GPRC5B: variants seen among roughly 807,000 people sequenced by gnomAD.
GPRC5B encodes the protein G protein-coupled receptor family C group 5 member B.
In GPRC5B, 16 loss-of-function variants were observed where a neutral mutation model predicts 30.1. The ratio of observed to expected loss-of-function variants is 0.53; its 90% CI spans 0.36 to 0.81. The LOEUF (loss-of-function observed/expected upper bound fraction) is 0.81. Among genes scored for constraint, GPRC5B ranks in the 30% least tolerant of loss-of-function variants. The pLI, the probability that GPRC5B is intolerant of heterozygous loss-of-function variation, is 0.01. For missense variants in GPRC5B, 428 were observed against 544.7 expected (o/e 0.79, Z 2.13); for synonymous variants, 241 against 239.5 (o/e 1.01, Z -0.06).
In GPRC5B at chr16:19,863,491, CTTT is replaced by C. The variant is rs10541805; in HGVS notation, c.1031-1521_1031-1519del. Among the ~76,000 whole-genome samples, 371 of 82,278 alleles carry C rather than the reference CTTT, an allele frequency of 4.5e-3. 2 individuals are homozygous for C. Among genetic ancestry groups the C allele is most frequent in the African/African-American group, 0.018 (359 of 19,978 alleles). 54.0% of individuals were successfully genotyped at this position (82,278 alleles called of 152,430 possible). A position where few individuals can be genotyped will look rare whatever the true frequency, so the allele number is the denominator to read the frequency against. ...GGGACCCAGGCAAGGAATCTGTGTT[CTTT>C]TTTTTTTTTTTTTTTTTTTTGAGAC... On this transcript the variant is annotated intron_variant, in intron 2 of 3. Transcript: ENST00000300571.
At chr16:19,869,637 C>G (rs577598547) in intron 2 of GPRC5B, among the ~76,000 whole-genome samples, 3 of 152,258 alleles carry the variant, frequency 2.0e-5, no homozygotes, top group African/African-American at 7.2e-5. Context: ...TAGGACCTCA[C>G]TTCTGAAGCC....
At chr16:19,874,447 C>A (rs917601221) in intron 1 of GPRC5B, among the ~76,000 whole-genome samples, 2 of 152,204 alleles carry the variant, frequency 1.3e-5, no homozygotes, top group Non-Finnish European at 2.9e-5. Flanking sequence ...TTGTTTCTGC[C>A]TTCCCTTCCT....
At chr16:19,870,248 G>T (rs747983004) in intron 2 of GPRC5B, among the ~76,000 whole-genome samples, 17 of 152,174 alleles carry the variant, frequency 1.1e-4, no homozygotes, top group Admixed American at 3.3e-4. Context: ...TCATTAATGT[G>T]CTTGTTTTAT....
intron 1 of GPRC5B, among the ~76,000 whole-genome samples, chr16:19,884,374 A>G (rs1306756728): frequency 6.6e-6 from 1 of 150,820 alleles, no homozygotes; most frequent in East Asian, 2.0e-4. Flanking sequence ...ACGAGTCACT[A>G]GGACACGGCT....
chr16:19,876,741 T>G (rs993072335), intron 1 of GPRC5B, among the ~76,000 whole-genome samples: 1 of 152,164 alleles, frequency 6.6e-6, no homozygotes, highest in Admixed American at 6.5e-5. Flanking sequence ...ACATGGGAAA[T>G]AGATACACTC....
intron 1 of GPRC5B, among the ~76,000 whole-genome samples, chr16:19,878,177 C>T (rs1407182399): frequency 1.4e-5 from 2 of 144,702 alleles, no homozygotes; most frequent in African/African-American, 5.2e-5. Context: ...CTAGCCTGGG[C>T]AACAGAGTGA....
Position 19,872,037 on chromosome 16 carries a change from G to T in GPRC5B, c.809C>A (p.Pro270His). ...KLQQGDAWND[P>H]TLAITLAASG... The stretch of plus-strand genomic sequence containing the variant: ...GGCCGCCAGCGTGATGGCCAAGGTG[G>T]GGTCGTTCCAGGCATCCCCCTGCTG... Residue 270 changes from proline to histidine, a missense_variant, in exon 2 of 4, where the codon CCC (proline) becomes CAC (histidine). Coordinates refer to ENST00000300571, the MANE Select transcript of GPRC5B (RefSeq NM_016235.3). The surrounding 1 kb of genome is among the most constrained non-coding windows in gnomAD (Gnocchi z 5.0). 6.2e-7 allele frequency: 1 copy of T among 1,614,024 alleles called. No individual in the cohort carries two copies. Among genetic ancestry groups the T allele is most frequent in the Non-Finnish European group, 8.5e-7 (1 of 1,179,974 alleles).
At chr16:19,885,124 C>T (rs948287395), upstream of GPRC5B, 1 of 1,035,940 alleles carries the variant, frequency 9.7e-7, no homozygotes, top group Admixed American at 2.3e-5. The surrounding 1 kb of genome is among the most constrained non-coding windows in gnomAD (Gnocchi z 5.3). Flanking sequence ...TCAGTGCGCC[C>T]GTAAGCAGTC....
rs1287699572 is a variant in GPRC5B at position 19,857,450 on chromosome 16, A to G, written c.*3050T>C. On this transcript the variant is annotated 3_prime_UTR_variant, in exon 4 of 4. Transcript: ENST00000300571. ...TTGAAATTTCTTTAACTTCTTTTTT[A>G]TAAGTATGCAACAGTCAGCCGGGGG... 4.5e-6 allele frequency: 2 copies of G among 440,992 alleles called. No homozygotes were observed. The highest frequency in any genetic ancestry group is 7.1e-5 in the East Asian group (1 of 14,028). 27.3% of individuals were successfully genotyped at this position (440,992 alleles called of 1,614,324 possible).
At chr16:19,884,242 C>T (rs1212794236) in intron 1 of GPRC5B, among the ~76,000 whole-genome samples, 2 of 150,488 alleles carry the variant, frequency 1.3e-5, no homozygotes, top group African/African-American at 4.9e-5. Context: ...GACCCCCAGC[C>T]CCCGCGACAG....
chr16:19,882,668 A>G (rs1353949260), intron 1 of GPRC5B, among the ~76,000 whole-genome samples: 2 of 152,182 alleles, frequency 1.3e-5, no homozygotes, highest in Non-Finnish European at 1.5e-5. Flanking sequence ...TGTCAACGTC[A>G]GGGGAGCTTC....
intron 2 of GPRC5B, among the ~76,000 whole-genome samples, chr16:19,867,241 A>G (rs1178561139): frequency 4.6e-5 from 7 of 152,208 alleles, no homozygotes; most frequent in South Asian, 2.1e-4. Context: ...GGGGTCAGGC[A>G]TGCGGGCTCT....
intron 1 of GPRC5B, among the ~76,000 whole-genome samples, chr16:19,876,851 G>C (rs2056763324): frequency 6.6e-6 from 1 of 152,242 alleles, no homozygotes; most frequent in Non-Finnish European, 1.5e-5. Flanking sequence ...TCTGGAAAGA[G>C]CACCTGATTT....
rs2056745648 is a variant in GPRC5B, at chr16:19,874,412, G to A, written c.-1-1566C>T. Among the ~76,000 whole-genome samples, 6 of 152,262 alleles carry A rather than the reference G, an allele frequency of 3.9e-5. 1 individual carries two copies. The highest frequency in any genetic ancestry group is 4.1e-4 in the South Asian group (2 of 4,822). On this transcript the variant is annotated intron_variant, in intron 1 of 3. Transcript: ENST00000300571. ...CCACCACAGCCTCTGGTCTAATCAC[G>A]TCTGTCATTTTTTGGCTGTTTACTT...
chr16:19,858,571 C>T lies in GPRC5B; in HGVS notation c.*1929G>A. 2 of 670,926 alleles carry T rather than the reference C, an allele frequency of 3.0e-6. No homozygotes were observed. The highest frequency in any genetic ancestry group is 2.4e-4 in the Middle Eastern group (1 of 4,220). The allele number at this position is 670,926 out of a possible 1,614,324, so 41.6% of individuals were successfully genotyped here. ...CTGGCACGAGAATGTGTAATGCTGT[C>T]GTTTTTTCACCGGACAGGACCGAGG... is the stretch of plus-strand genomic sequence containing the variant. On this transcript the variant is annotated 3_prime_UTR_variant, in exon 4 of 4. Coordinates refer to ENST00000300571, the MANE Select transcript of GPRC5B (RefSeq NM_016235.3).
chr16:19,883,559 C>T (rs1207428259), intron 1 of GPRC5B, among the ~76,000 whole-genome samples: 1 of 152,268 alleles, frequency 6.6e-6, no homozygotes, highest in East Asian at 1.9e-4. Context: ...TGTGCCAGAT[C>T]CCTCCCCCAC....
At chr16:19,866,118 G>T (rs1012121836) in intron 2 of GPRC5B, among the ~76,000 whole-genome samples, 15 of 151,718 alleles carry the variant, frequency 9.9e-5, no homozygotes, top group Non-Finnish European at 1.9e-4. Context: ...TAGTAGAGAC[G>T]GGGTTTTACC....
upstream of GPRC5B, chr16:19,885,073 C>T: frequency 2.7e-6 from 2 of 751,116 alleles, no homozygotes; most frequent in Non-Finnish European, 3.9e-6. The surrounding 1 kb of genome is among the most constrained non-coding windows in gnomAD (Gnocchi z 5.3). Context: ...ACGATTCCCC[C>T]GACCTCGTGC....
intron 1 of GPRC5B, among the ~76,000 whole-genome samples, chr16:19,879,364 G>C (rs779368290): frequency 1.2e-4 from 19 of 152,128 alleles, no homozygotes; most frequent in Non-Finnish European, 2.6e-4. Context: ...CAGGCTCCTA[G>C]AAATGTGACT....
Sources: gnomAD v4.1 joint callset for allele counts (sites outside exome capture counted in the v4.1 genomes callset) on GRCh38, gnomAD v4.1.1 for gene constraint, Gnocchi (gnomAD v3.1) non-coding constraint, MANE v1.5 for transcripts, NCBI Gene and HGNC (gene_info 2026-07-23, HGNC 2026-07-21) for gene names.